CDH18: variants seen among roughly 807,000 people sequenced by gnomAD.
CDH18 encodes cadherin 18, also known as cadherin-18.
CDH18 carries 31 observed loss-of-function variants against 67.9 expected under a neutral mutation model. The observed-to-expected ratio is 0.46, with a 90% CI of 0.34 to 0.62. The LOEUF is 0.62. CDH18 is among the 20% of genes least tolerant of loss of function. The pLI, the probability that CDH18 is intolerant of heterozygous loss-of-function variation, is 0.01. For synonymous variants in CDH18, 362 were observed against 347.2 expected (o/e 1.04, Z -0.48); for missense variants, 890 against 975.5 (o/e 0.91, Z 1.17).
chr5:19,998,442 G>A (rs773120614), intron 2 of CDH18, among the ~76,000 whole-genome samples: 5 of 152,150 alleles, frequency 3.3e-5, no homozygotes, highest in Non-Finnish European at 4.4e-5. Context: ...GTCAGAGGAG[G>A]ACTAGTTTGA....
At chr5:20,078,597 T>C (rs1176566962) in intron 2 of CDH18, among the ~76,000 whole-genome samples, 2 of 152,000 alleles carry the variant, frequency 1.3e-5, no homozygotes, top group East Asian at 3.9e-4. Context: ...TTTTTTGGTA[T>C]AATTTTATTT....
intron 6 of CDH18, among the ~76,000 whole-genome samples, chr5:19,604,530 A>AACACACACAC (rs4002268): frequency 6.9e-4 from 100 of 145,196 alleles, no homozygotes; most frequent in African/African-American, 2.4e-3. Context: ...TTCAAATTAA[A>AACACACACAC]ACACACACAC....
chr5:20,388,975 T>C (rs1359595666), intron 1 of CDH18, among the ~76,000 whole-genome samples: 1 of 152,162 alleles, frequency 6.6e-6, no homozygotes, highest in Admixed American at 6.6e-5. Flanking sequence ...CTTCCAACTA[T>C]GTGGTCAATT....
At position 20,461,458 on chromosome 5, in the gene CDH18, GGCTAT is replaced by G; in HGVS notation, c.-580+113999_-580+114003del. On this transcript the variant is annotated intron_variant, in intron 1 of 14. Transcript: ENST00000507958. Reference sequence around the variant, plus strand: ...ATTCTCTAGAAAGATAATCTTCTGAGGCTATGCCCTGGGAGCAAATAACAAGCACA... The same window carrying G: ...ATTCTCTAGAAAGATAATCTTCTGAGGCCCTGGGAGCAAATAACAAGCACA... Among the ~76,000 whole-genome samples, 4 of 152,216 alleles carry G rather than the reference GGCTAT, an allele frequency of 2.6e-5. 1 individual carries two copies. The South Asian group carries it at 8.3e-4, about 32-fold the overall frequency.
At chr5:19,823,376 G>A (rs758419324) in intron 3 of CDH18, among the ~76,000 whole-genome samples, 22 of 152,144 alleles carry the variant, frequency 1.4e-4, no homozygotes, top group East Asian at 9.6e-4. Context: ...AGAGATTGCA[G>A]TAAAGACAGG....
At chr5:20,163,002 T>G (rs1736007862) in intron 2 of CDH18, among the ~76,000 whole-genome samples, 1 of 151,932 alleles carries the variant, frequency 6.6e-6, no homozygotes, top group Non-Finnish European at 1.5e-5. Context: ...GAGGTTGCAG[T>G]GAGCTGAGAT....
At chr5:20,509,100 A>G (rs1043350915) in intron 1 of CDH18, among the ~76,000 whole-genome samples, 1 of 152,314 alleles carries the variant, frequency 6.6e-6, no homozygotes, top group African/African-American at 2.4e-5. Context: ...TGATAAAAGC[A>G]CTTAAAATCT....
chr5:19,520,316 C>T (rs1402296406), intron 10 of CDH18, among the ~76,000 whole-genome samples: 1 of 152,186 alleles, frequency 6.6e-6, no homozygotes, highest in Non-Finnish European at 1.5e-5. Context: ...CCCTCTGACA[C>T]AATCAAGTCC....
chr5:19,498,405 T>C (rs1424356392), intron 11 of CDH18, among the ~76,000 whole-genome samples: 1 of 152,142 alleles, frequency 6.6e-6, no homozygotes, highest in Non-Finnish European at 1.5e-5. Flanking sequence ...TCTGAAGAAG[T>C]CCTGGTATTA....
At chr5:19,874,726 G>T (rs559049555) in intron 2 of CDH18, among the ~76,000 whole-genome samples, 2 of 152,254 alleles carry the variant, frequency 1.3e-5, no homozygotes, top group Non-Finnish European at 2.9e-5. Context: ...CTTACTGAAT[G>T]CTCACAAGAC....
At chr5:19,485,176 A>G (rs890335730) in intron 11 of CDH18, among the ~76,000 whole-genome samples, 2 of 124,956 alleles carry the variant, frequency 1.6e-5, no homozygotes, top group African/African-American at 5.1e-5. Context: ...AAAATCAGAA[A>G]TAAATAATCT....
At chr5:20,335,053 T>C (rs1355310450) in intron 1 of CDH18, among the ~76,000 whole-genome samples, 1 of 152,198 alleles carries the variant, frequency 6.6e-6, no homozygotes, top group Non-Finnish European at 1.5e-5. Context: ...GATCTTGTGC[T>C]AGGCAGAATG....
chr5:20,074,905 A>G (rs766705136), intron 2 of CDH18, among the ~76,000 whole-genome samples: 1 of 152,190 alleles, frequency 6.6e-6, no homozygotes, highest in Non-Finnish European at 1.5e-5. Context: ...TATTAACTGT[A>G]TTAGTCGTTT....
chr5:20,286,194 A>G (rs1746683706), intron 1 of CDH18, among the ~76,000 whole-genome samples: 1 of 151,616 alleles, frequency 6.6e-6, no homozygotes, highest in Non-Finnish European at 1.5e-5. Flanking sequence ...TTTTTAATAT[A>G]TTCCTTTCTA....
At chr5:19,534,976 G>A (rs1054730894) in intron 9 of CDH18, among the ~76,000 whole-genome samples, 3 of 152,032 alleles carry the variant, frequency 2.0e-5, no homozygotes, top group Non-Finnish European at 1.5e-5. Flanking sequence ...GCACCAACTT[G>A]CTAGTTATGT....
chr5:19,617,696 T>A (rs2150129372), intron 5 of CDH18, among the ~76,000 whole-genome samples: 1 of 152,324 alleles, frequency 6.6e-6, no homozygotes, highest in East Asian at 1.9e-4. Context: ...TGTGATTACC[T>A]GTGTATCATT....
chr5:19,843,354 G>A (rs776957145), intron 2 of CDH18, among the ~76,000 whole-genome samples: 2 of 152,190 alleles, frequency 1.3e-5, no homozygotes, highest in Non-Finnish European at 2.9e-5. Context: ...TGCAAGCACC[G>A]AGCCTTCCAC....
chr5:19,699,636 G>GTC (rs1554007626), intron 5 of CDH18, among the ~76,000 whole-genome samples: 8,292 of 147,530 alleles, frequency 0.056, 831 homozygotes, highest in African/African-American at 0.18. Flanking sequence ...GTGTGTGTGT[G>GTC]TGTGTCTGTG....
intron 1 of CDH18, among the ~76,000 whole-genome samples, chr5:20,261,726 G>A (rs1025103688): frequency 6.0e-5 from 9 of 150,320 alleles, no homozygotes; most frequent in Admixed American, 2.0e-4. Context: ...GCGAGACTCC[G>A]TTTAAAAAAA....
Sources: allele counts gnomAD v4.1 joint callset (sites outside exome capture counted in the v4.1 genomes callset), GRCh38; gene constraint gnomAD v4.1.1; transcripts MANE v1.5; gene names NCBI Gene and HGNC (gene_info 2026-07-23, HGNC 2026-07-21).